The following RALA variants were observed in gnomAD, a reference collection of about 807,000 sequenced individuals.
RALA encodes ras-related protein Ral-A.
RALA carries 5 observed loss-of-function variants against 24.0 expected under a neutral mutation model. The ratio of observed to expected loss-of-function variants is 0.21; its 90% CI spans 0.11 to 0.44. RALA has a LOEUF of 0.44. Among genes scored for constraint, RALA ranks in the 20% least tolerant of loss-of-function variants. RALA has a pLI of 0.99. For synonymous variants in RALA, 77 were observed against 83.8 expected, an observed-to-expected ratio of 0.92 and a Z score of 0.44; for missense variants, 95 against 241.2, an observed-to-expected ratio of 0.39 and a Z score of 4.01.
At chr7:39,645,670 G>GC (rs1791914375) in intron 1 of RALA, among the ~76,000 whole-genome samples, 1 of 152,176 alleles carries the variant, frequency 6.6e-6, no homozygotes, top group African/African-American at 2.4e-5. Context: ...CCTACTATGT[G>GC]CCAGGCACTG....
chr7:39,692,630 T>A (rs1792842332), intron 3 of RALA, among the ~76,000 whole-genome samples: 1 of 152,162 alleles, frequency 6.6e-6, no homozygotes, highest in South Asian at 2.1e-4. Context: ...AAATAACATC[T>A]TCTCACCTCG....
intron 1 of RALA, among the ~76,000 whole-genome samples, chr7:39,646,596 C>T (rs958604470): frequency 6.6e-6 from 1 of 152,170 alleles, no homozygotes; most frequent in Non-Finnish European, 1.5e-5. Context: ...CTGTGCACTC[C>T]AGCCTGAGTA....
chr7:39,648,507 T>C (rs990762896), intron 1 of RALA, among the ~76,000 whole-genome samples: 4 of 152,122 alleles, frequency 2.6e-5, no homozygotes, highest in African/African-American at 9.7e-5. Context: ...GTAGTGGAGA[T>C]ACAACAGTAA....
In RALA at chr7:39,685,615, C is replaced by T. The variant is rs376260083; in HGVS notation, c.-37-1016C>T. 1.3e-4 allele frequency among the ~76,000 whole-genome samples: 19 copies of T among 151,928 alleles called. No individual in the cohort carries two copies. The East Asian group carries it at 3.5e-3, about 28-fold the overall frequency. ...CTTCTGTAAGAACCTGGCCTCTCCA[C>T]ACTGAGTGTAAAAATGTATTAAACA... On this transcript the variant is annotated intron_variant, in intron 1 of 4. Coordinates refer to ENST00000005257, the MANE Select transcript of RALA (RefSeq NM_005402.4).
At position 39,637,438 on chromosome 7, in the gene RALA, A is replaced by T. The variant is rs567773212; in HGVS notation, c.-38+13613A>T. Among the ~76,000 whole-genome samples the T allele has an allele frequency of 2.4e-3, 369 of 152,356 alleles. 2 individuals are homozygous for T. The highest frequency in any genetic ancestry group is 8.6e-3 in the African/African-American group (359 of 41,590). ...ACACCTGTAACTTAAAGATTTTAGC[A>T]CCAATTCATTATGTTACTTTGACTT... On this transcript the variant is annotated intron_variant, in intron 1 of 4. Coordinates refer to ENST00000005257, the MANE Select transcript of RALA (RefSeq NM_005402.4).
At chr7:39,665,553 A>G (rs1291014344) in intron 1 of RALA, among the ~76,000 whole-genome samples, 1 of 152,004 alleles carries the variant, frequency 6.6e-6, no homozygotes, top group Non-Finnish European at 1.5e-5. Flanking sequence ...TGTATAACAC[A>G]CTATACAGTA....
chr7:39,654,931 T>C (rs941581749), intron 1 of RALA, among the ~76,000 whole-genome samples: 1 of 152,164 alleles, frequency 6.6e-6, no homozygotes, highest in Non-Finnish European at 1.5e-5. Context: ...TTAGTTTTTG[T>C]AGAGACTGTA....
At chr7:39,673,657 C>G (rs894533079) in intron 1 of RALA, among the ~76,000 whole-genome samples, 2 of 152,108 alleles carry the variant, frequency 1.3e-5, no homozygotes, top group African/African-American at 2.4e-5. Context: ...TTCCTTTGGT[C>G]TTTCTAGGTA....
At position 39,650,863 on chromosome 7, in the gene RALA, G is replaced by A. The variant is rs952587524; in HGVS notation, c.-38+27038G>A. Among the ~76,000 whole-genome samples the A allele has an allele frequency of 6.6e-5, 10 of 152,302 alleles. No homozygotes were observed. In the South Asian group the frequency reaches 1.9e-3, roughly 28 times the overall value. ...AGACTTGGCTGGGTCTAGAGAGTCG[G>A]CTTCGTATCTTATTCATGGCTATTG... On this transcript the variant is annotated intron_variant, in intron 1 of 4. Coordinates refer to ENST00000005257, the MANE Select transcript of RALA (RefSeq NM_005402.4).
At chr7:39,675,482 T>A (rs1450126838) in intron 1 of RALA, among the ~76,000 whole-genome samples, 1 of 152,176 alleles carries the variant, frequency 6.6e-6, no homozygotes, top group East Asian at 1.9e-4. Flanking sequence ...CAGCCCGTAA[T>A]CCTAACATGG....
chr7:39,669,808 TAA>T (rs35648613), intron 1 of RALA, among the ~76,000 whole-genome samples: 55 of 133,732 alleles, frequency 4.1e-4, no homozygotes, highest in Non-Finnish European at 5.9e-4. Context: ...TCTGTCTCTT[TAA>T]AAAAAAAAAA....
intron 1 of RALA, among the ~76,000 whole-genome samples, chr7:39,682,118 C>T (rs747034351): frequency 1.3e-5 from 2 of 152,204 alleles, no homozygotes; most frequent in Non-Finnish European, 2.9e-5. Context: ...CCAGATTCCT[C>T]ATCTGTTAAA....
rs377156473 is a variant in RALA, at chr7:39,670,411, T to C, written c.-37-16220T>C. On this transcript the variant is annotated intron_variant, in intron 1 of 4. Transcript: ENST00000005257. ...ATCCTCCCACCTCAGCCTCCCAAAA[T>C]GCTGGGATTATAGGTGTTAGCCACC... Among the ~76,000 whole-genome samples, 90 of 152,336 alleles carry C rather than the reference T, an allele frequency of 5.9e-4. 4 individuals are homozygous for C. The South Asian group carries it at 0.019, about 32-fold the overall frequency.
chr7:39,655,226 A>G (rs1275823079), intron 1 of RALA, among the ~76,000 whole-genome samples: 1 of 152,258 alleles, frequency 6.6e-6, no homozygotes, highest in Non-Finnish European at 1.5e-5. Flanking sequence ...TAAGATATCC[A>G]TACCATGGAA....
At chr7:39,627,061 ATCTC>A (rs200371195) in intron 1 of RALA, among the ~76,000 whole-genome samples, 17 of 148,712 alleles carry the variant, frequency 1.1e-4, no homozygotes, top group Middle Eastern at 7.1e-3. Context: ...GAATGTGTCC[ATCTC>A]TCTCTCTCTC....
At chr7:39,638,120 T>TA (rs1290097891) in intron 1 of RALA, among the ~76,000 whole-genome samples, 2 of 152,176 alleles carry the variant, frequency 1.3e-5, no homozygotes, top group Non-Finnish European at 2.9e-5. Flanking sequence ...TTCTGTCACT[T>TA]AGGCTGAATG....
At chr7:39,683,792 GAA>G (rs1792646789) in intron 1 of RALA, among the ~76,000 whole-genome samples, 1 of 151,688 alleles carries the variant, frequency 6.6e-6, no homozygotes, top group African/African-American at 2.4e-5. Context: ...ATTCTAGAAG[GAA>G]AAGTGTTTTA....
chr7:39,684,209 G>A (rs994424236), intron 1 of RALA, among the ~76,000 whole-genome samples: 3 of 152,106 alleles, frequency 2.0e-5, no homozygotes, highest in Non-Finnish European at 4.4e-5. Context: ...GAGTTAAATT[G>A]AACTCTTAGC....
At chr7:39,677,329 T>A (rs1792504582) in intron 1 of RALA, among the ~76,000 whole-genome samples, 1 of 150,760 alleles carries the variant, frequency 6.6e-6, no homozygotes, top group Admixed American at 6.6e-5. Context: ...CTTGCGATAG[T>A]TTACTGAGAA....
Sources: gnomAD v4.1 joint callset for allele counts (sites outside exome capture counted in the v4.1 genomes callset) on GRCh38, gnomAD v4.1.1 for gene constraint, MANE v1.5 for transcripts, NCBI Gene and HGNC (gene_info 2026-07-23, HGNC 2026-07-21) for gene names.